ATP6V1F: variants seen among roughly 807,000 people sequenced by gnomAD.
ATP6V1F encodes the protein V-type proton ATPase subunit F.
ATP6V1F carries 4 observed loss-of-function variants against 6.6 expected under a neutral mutation model. The observed-to-expected ratio is 0.60, with a 90% CI of 0.30 to 1.38. The LOEUF (loss-of-function observed/expected upper bound fraction) is 1.38. Ranked by LOEUF, ATP6V1F falls within the 40% of genes most tolerant of loss-of-function variation. The probability of loss-of-function intolerance (pLI) is 0.08; values close to 1 mark genes in which losing one functional copy is unlikely to be tolerated. For synonymous variants in ATP6V1F, 68 were observed against 66.9 expected, an observed-to-expected ratio of 1.02 and a Z score of -0.08; for missense variants, 136 against 165.5, an observed-to-expected ratio of 0.82 and a Z score of 0.98.
At position 128,865,020 on chromosome 7, in the gene ATP6V1F, A is replaced by G. The variant is rs1809358217; in HGVS notation, c.159-357A>G. On this transcript the variant is annotated intron_variant, in intron 1 of 1. Transcript: ENST00000249289. This position sits in a 1 kb window ranked among gnomAD's most constrained non-coding sequence, Gnocchi z 4.4. ...AGCTGGCCTTCAGTATCTGCACATAAAAAGGGATCTGCATACATATAATCT... is the reference window on the plus strand; with the variant it reads ...AGCTGGCCTTCAGTATCTGCACATAGAAAGGGATCTGCATACATATAATCT... 5 of 1,058,462 alleles carry G rather than the reference A, an allele frequency of 4.7e-6. No homozygotes were observed. Among genetic ancestry groups the G allele is most frequent in the Non-Finnish European group, 7.0e-6 (5 of 715,212 alleles). 65.6% of individuals were successfully genotyped at this position (1,058,462 alleles called of 1,614,324 possible).
rs1809365375 is a variant in ATP6V1F, at chr7:128,865,287, C to T, written c.159-90C>T. The T allele has an allele frequency of 5.7e-6, 9 of 1,583,074 alleles. No individual in the cohort carries two copies. In the South Asian group the frequency reaches 9.0e-5, roughly 16 times the overall value. ...GGTCATGCTCATTCCCCTCCACAGC[C>T]CAGCCCAACAACTCGGAGAGGGCTG... is the stretch of plus-strand genomic sequence containing the variant. On this transcript the variant is annotated intron_variant, in intron 1 of 1. Coordinates refer to ENST00000249289, the MANE Select transcript of ATP6V1F (RefSeq NM_004231.4). This position sits in a 1 kb window ranked among gnomAD's most constrained non-coding sequence, Gnocchi z 4.4.
rs1178114070 is a variant in ATP6V1F at position 128,865,722 on chromosome 7, G to A, written c.*144G>A. Reference sequence around the variant, plus strand: ...TAAGAGGCTAGGTGAGGCGCTTCTAGGTTGCTGGGGCTCTGCTGGTTAAGG... The same window carrying A: ...TAAGAGGCTAGGTGAGGCGCTTCTAAGTTGCTGGGGCTCTGCTGGTTAAGG... On this transcript the variant is annotated 3_prime_UTR_variant, in exon 2 of 2. Transcript: ENST00000249289. This position sits in a 1 kb window ranked among gnomAD's most constrained non-coding sequence, Gnocchi z 4.4. 3.4e-6 allele frequency: 3 copies of A among 873,286 alleles called. No individual in the cohort carries two copies. Among genetic ancestry groups the A allele is most frequent in the Non-Finnish European group, 5.1e-6 (3 of 583,586 alleles). 54.1% of individuals were successfully genotyped at this position (873,286 alleles called of 1,614,324 possible). A position where few individuals can be genotyped will look rare whatever the true frequency, so the allele number is the denominator to read the frequency against.
Position 128,865,278 on chromosome 7 carries a change from C to G in ATP6V1F, c.159-99C>G. On this transcript the variant is annotated intron_variant, in intron 1 of 1. Transcript: ENST00000249289. The surrounding 1 kb of genome is among the most constrained non-coding windows in gnomAD (Gnocchi z 4.4). ...TGCCCTCTGGGTCATGCTCATTCCC[C>G]TCCACAGCCCAGCCCAACAACTCGG... is the stretch of plus-strand genomic sequence containing the variant. The G allele has an allele frequency of 6.3e-7, 1 of 1,575,546 alleles. No individual in the cohort carries two copies. Among genetic ancestry groups the G allele is most frequent in the African/African-American group, 1.3e-5 (1 of 74,196 alleles).
chr7:128,864,883 A>G (rs1809354676), intron 1 of ATP6V1F: 2 of 493,504 alleles, frequency 4.1e-6, no homozygotes, highest in Admixed American at 3.3e-5. Context: ...AGAGAGAGAG[A>G]GGGAGATGGG....
Position 128,863,023 on chromosome 7 carries a change from A to T in ATP6V1F, c.119A>T (p.Glu40Val). The change falls in exon 1 of 2, where the codon GAG (glutamate) becomes GTG (valine). Residue 40 changes from glutamate (E) to valine (V), a missense_variant. Physicochemically the swap from Glu to Val is moderately radical, Grantham distance 121. Transcript: ENST00000249289. ...CGCCATCCCAATTTCCTGGTGGTGG[A>T]GAAGGATACAACCATCAATGAGATC... ...KNRHPNFLVVEKDTTINEIED... is the reference protein window; with the variant it reads ...KNRHPNFLVVVKDTTINEIED... 2.5e-6 allele frequency: 4 copies of T among 1,613,584 alleles called. No individual in the cohort carries two copies. Among genetic ancestry groups the T allele is most frequent in the Non-Finnish European group, 8.5e-7 (1 of 1,179,770 alleles).
chr7:128,865,159 C>A lies in ATP6V1F; in HGVS notation c.159-218C>A. ...TTCCGGGCAGTGTTGTAGAAGCCAA[C>A]CCTAATCAGCGTGACCCTCCGCTTT... On this transcript the variant is annotated intron_variant, in intron 1 of 1. Coordinates refer to ENST00000249289, the MANE Select transcript of ATP6V1F (RefSeq NM_004231.4). The surrounding 1 kb of genome is among the most constrained non-coding windows in gnomAD (Gnocchi z 4.4). 1 of 1,536,338 alleles carries A rather than the reference C, an allele frequency of 6.5e-7. No homozygotes were observed.
chr7:128,865,711 AG>A lies in ATP6V1F; in HGVS notation c.*135del, dbSNP rs1235164002. 1 of 977,570 alleles carries A rather than the reference AG, an allele frequency of 1.0e-6. No individual in the cohort carries two copies. Among genetic ancestry groups the A allele is most frequent in the Non-Finnish European group, 1.5e-6 (1 of 676,838 alleles). 60.6% of individuals were successfully genotyped at this position (977,570 alleles called of 1,614,324 possible). ...TCCCACTCCATTAAGAGGCTAGGTG[AG>A]GCGCTTCTAGGTTGCTGGGGCTCTG... On this transcript the variant is annotated 3_prime_UTR_variant, in exon 2 of 2. Coordinates refer to ENST00000249289, the MANE Select transcript of ATP6V1F (RefSeq NM_004231.4). The surrounding 1 kb of genome is among the most constrained non-coding windows in gnomAD (Gnocchi z 4.4).
rs1458133324 is a variant in ATP6V1F, at chr7:128,865,489, A to T, written c.271A>T (p.Ile91Phe). Reference protein sequence around the residue: ...HQQSIPAVLEIPSKEHPYDAA... With the variant: ...HQQSIPAVLEFPSKEHPYDAA... ...GCAGTCCATCCCCGCTGTCCTGGAG[A>T]TCCCCTCCAAGGAGCACCCATATGA... Residue 91 changes from isoleucine (I) to phenylalanine (F), a missense_variant, in exon 2 of 2, where the codon ATC (isoleucine) becomes TTC (phenylalanine). By Grantham distance (21) the Ile-to-Phe change is conservative. Coordinates refer to ENST00000249289, the MANE Select transcript of ATP6V1F (RefSeq NM_004231.4). This position sits in a 1 kb window ranked among gnomAD's most constrained non-coding sequence, Gnocchi z 4.4. 1.2e-6 allele frequency: 2 copies of T among 1,614,104 alleles called. No individual in the cohort carries two copies. Among genetic ancestry groups the T allele is most frequent in the South Asian group, 1.1e-5 (1 of 91,074 alleles).
In ATP6V1F at chr7:128,865,402, G is replaced by A. The variant is rs910426421; in HGVS notation, c.184G>A (p.Gly62Ser). ...FRQFLNRDDI[G>S]IILINQYIAE... Reference sequence around the variant, plus strand: ...GCAATTTCTAAACCGGGATGACATTGGCATCATCCTCATCAACCAGTACAT... The same window carrying A: ...GCAATTTCTAAACCGGGATGACATTAGCATCATCCTCATCAACCAGTACAT... The change falls in exon 2 of 2, where the codon GGC becomes AGC. Residue 62 changes from glycine to serine, a missense_variant. Coordinates refer to ENST00000249289, the MANE Select transcript of ATP6V1F (RefSeq NM_004231.4). This position sits in a 1 kb window ranked among gnomAD's most constrained non-coding sequence, Gnocchi z 4.4. The A allele has an allele frequency of 4.3e-6, 7 of 1,614,014 alleles. No homozygotes were observed. The African/African-American group carries it at 9.3e-5, about 22-fold the overall frequency.
At chr7:128,864,880 GA>G in intron 1 of ATP6V1F, 6 of 501,428 alleles carry the variant, frequency 1.2e-5, no homozygotes, top group Non-Finnish European at 1.8e-5. Context: ...GAGAGAGAGA[GA>G]GAGGGAGATG....
rs866519422 is a variant in ATP6V1F, at chr7:128,864,606, T to C, written c.159-771T>C. 2.4e-4 allele frequency among the ~76,000 whole-genome samples: 36 copies of C among 151,444 alleles called. No individual in the cohort carries two copies. The Middle Eastern group carries it at 0.02, about 86-fold the overall frequency. On this transcript the variant is annotated intron_variant, in intron 1 of 1. Transcript: ENST00000249289. ...TTTAAAAGTTAATGTGTCTTTTTTT[T>C]TTTTTTTTTCTGAGACAGGGTCTCA...
chr7:128,865,316 G>T lies in ATP6V1F; in HGVS notation c.159-61G>T. 6.3e-7 allele frequency: 1 copy of T among 1,599,180 alleles called. No individual in the cohort carries two copies. Among genetic ancestry groups the T allele is most frequent in the South Asian group, 1.1e-5 (1 of 90,206 alleles). On this transcript the variant is annotated intron_variant, in intron 1 of 1. Coordinates refer to ENST00000249289, the MANE Select transcript of ATP6V1F (RefSeq NM_004231.4). The surrounding 1 kb of genome is among the most constrained non-coding windows in gnomAD (Gnocchi z 4.4). ...CCCAACAACTCGGAGAGGGCTGCCT[G>T]GGTAGGAGAGACGGCAGCCCCCAGA...
At position 128,864,781 on chromosome 7, in the gene ATP6V1F, A is replaced by ATT; in HGVS notation, c.159-587_159-586dup. The ATT allele has an allele frequency of 1.6e-5, 3 of 191,946 alleles. No individual in the cohort carries two copies. The East Asian group carries it at 4.0e-4, about 25-fold the overall frequency. The allele number at this position is 191,946 out of a possible 1,614,324, so 11.9% of individuals were successfully genotyped here. A position where few individuals can be genotyped will look rare whatever the true frequency, so the allele number is the denominator to read the frequency against. On this transcript the variant is annotated intron_variant, in intron 1 of 1. Coordinates refer to ENST00000249289, the MANE Select transcript of ATP6V1F (RefSeq NM_004231.4). Reference sequence around the variant, plus strand: ...CTGGCACATGCCGCCACATCCAGCCATTTTTTTTTTGTGTGTATATATATA... The same window carrying ATT: ...CTGGCACATGCCGCCACATCCAGCCATTTTTTTTTTTTGTGTGTATATATATA...
rs1196155197 is a variant in ATP6V1F at position 128,865,677 on chromosome 7, C to T, written c.*99C>T. 2.3e-6 allele frequency: 3 copies of T among 1,284,806 alleles called. No individual in the cohort carries two copies. The highest frequency in any genetic ancestry group is 3.2e-6 in the Non-Finnish European group (3 of 938,232). The allele number at this position is 1,284,806 out of a possible 1,614,324, so 79.6% of individuals were successfully genotyped here. A position where few individuals can be genotyped will look rare whatever the true frequency, so the allele number is the denominator to read the frequency against. Reference sequence around the variant, plus strand: ...TTTTTGAGCCTCTGATTTCCAATTCCCTGCTCCTTCCCACTCCATTAAGAG... The same window carrying T: ...TTTTTGAGCCTCTGATTTCCAATTCTCTGCTCCTTCCCACTCCATTAAGAG... On this transcript the variant is annotated 3_prime_UTR_variant, in exon 2 of 2. Coordinates refer to ENST00000249289, the MANE Select transcript of ATP6V1F (RefSeq NM_004231.4). The surrounding 1 kb of genome is among the most constrained non-coding windows in gnomAD (Gnocchi z 4.4).
intron 1 of ATP6V1F, 42 bp downstream of exon 1, chr7:128,863,104 C>G (rs575360316): frequency 6.3e-7 from 1 of 1,586,088 alleles, no homozygotes; most frequent in Non-Finnish European, 8.6e-7. Context: ...TTCTGCTGCT[C>G]GGTGGAGTGC....
At chr7:128,863,966 C>T (rs555455344) in intron 1 of ATP6V1F, among the ~76,000 whole-genome samples, 115 of 152,292 alleles carry the variant, frequency 7.6e-4, no homozygotes, top group African/African-American at 2.6e-3. Context: ...TTTTATGTTT[C>T]CAACCAAAAG....
In ATP6V1F at chr7:128,865,503, G is replaced by C. The variant is rs756519366; in HGVS notation, c.285G>C (p.Glu95Asp). 7 of 1,614,130 alleles carry C rather than the reference G, an allele frequency of 4.3e-6. No individual in the cohort carries two copies. The East Asian group carries it at 6.7e-5, about 15-fold the overall frequency. Residue 95 changes from glutamate to aspartate, a missense_variant, in exon 2 of 2, where the codon GAG becomes GAC. Glu to Asp is a conservative substitution (Grantham distance 45, BLOSUM62 2). Coordinates refer to ENST00000249289, the MANE Select transcript of ATP6V1F (RefSeq NM_004231.4). This position sits in a 1 kb window ranked among gnomAD's most constrained non-coding sequence, Gnocchi z 4.4. ...CTGTCCTGGAGATCCCCTCCAAGGA[G>C]CACCCATATGACGCCGCCAAGGACT... ...IPAVLEIPSK[E>D]HPYDAAKDSI...
intron 1 of ATP6V1F, among the ~76,000 whole-genome samples, chr7:128,864,012 A>AG (rs1316127209): frequency 6.6e-6 from 1 of 152,192 alleles, no homozygotes; most frequent in Admixed American, 6.5e-5. Context: ...AGTGACTGGC[A>AG]GGGGGTGGGT....
chr7:128,864,881 A>G (rs555840309), intron 1 of ATP6V1F: 142 of 495,432 alleles, frequency 2.9e-4, no homozygotes, highest in Non-Finnish European at 4.7e-4. Context: ...AGAGAGAGAG[A>G]GAGGGAGATG....
Sources: allele counts gnomAD v4.1 joint callset (sites outside exome capture counted in the v4.1 genomes callset), GRCh38; gene constraint gnomAD v4.1.1; non-coding constraint Gnocchi (gnomAD v3.1); transcripts MANE v1.5; gene names NCBI Gene and HGNC (gene_info 2026-07-23, HGNC 2026-07-21).